Variants in MYBPC1 observed in about 807,000 individuals in gnomAD.
MYBPC1 encodes myosin-binding protein C, slow-type.
In MYBPC1, 52 loss-of-function variants were observed where a neutral mutation model predicts 147.1. The observed-to-expected ratio is 0.35, with a 90% CI of 0.28 to 0.45. The LOEUF is 0.45. Among genes scored for constraint, MYBPC1 ranks in the 20% least tolerant of loss-of-function variants. The pLI is 1.00. For missense variants in MYBPC1, 1,228 were observed against 1,440.3 expected, an observed-to-expected ratio of 0.85 and a Z score of 2.39; for synonymous variants, 477 against 475.9, an observed-to-expected ratio of 1.00 and a Z score of -0.03.
At chr12:101,607,719 A>T (rs931367086) in intron 1 of MYBPC1, among the ~76,000 whole-genome samples, 4 of 152,198 alleles carry the variant, frequency 2.6e-5, no homozygotes, top group Non-Finnish European at 5.9e-5. Flanking sequence ...GGCCCATAAG[A>T]TAGTTAAGTA....
intron 1 of MYBPC1, among the ~76,000 whole-genome samples, chr12:101,611,538 A>G (rs549223828): frequency 6.6e-6 from 1 of 152,196 alleles, no homozygotes; most frequent in Non-Finnish European, 1.5e-5. Context: ...TAGATGTCCA[A>G]CCACCAAAAG....
At chr12:101,677,570 G>A (rs1487957588) in intron 27 of MYBPC1, among the ~76,000 whole-genome samples, 176 bp downstream of exon 27, 2 of 152,154 alleles carry the variant, frequency 1.3e-5, no homozygotes, top group African/African-American at 2.4e-5. Flanking sequence ...AAGTGAAATT[G>A]TATTATTATT....
chr12:101,604,913 T>C (rs1023296456), intron 1 of MYBPC1, among the ~76,000 whole-genome samples: 18 of 152,150 alleles, frequency 1.2e-4, no homozygotes, highest in African/African-American at 3.9e-4. Flanking sequence ...GCACAACATT[T>C]AAGAAGGCAC....
intron 10 of MYBPC1, among the ~76,000 whole-genome samples, chr12:101,640,153 A>G (rs1453284936): frequency 6.6e-6 from 1 of 152,110 alleles, no homozygotes; most frequent in African/African-American, 2.4e-5. Context: ...CTGGGATGAC[A>G]GGCATGCGCC....
rs187589811 is a variant in MYBPC1, at chr12:101,607,288, A to G, written c.26-7208A>G. On this transcript the variant is annotated intron_variant, in intron 1 of 31. Transcript: ENST00000361466. ...TCAGACCCCACCATCAAGAGGGGAG[A>G]CACCTGATAGTGTTTATTACATATT... Among the ~76,000 whole-genome samples the G allele has an allele frequency of 1.4e-4, 22 of 152,246 alleles. No homozygotes were observed. The East Asian group carries it at 4.1e-3, about 28-fold the overall frequency.
intron 22 of MYBPC1, among the ~76,000 whole-genome samples, chr12:101,665,595 A>C (rs959525094): frequency 2.6e-5 from 4 of 151,986 alleles, no homozygotes; most frequent in Non-Finnish European, 5.9e-5. Context: ...ATGTTAAATA[A>C]CTTACATGTT....
intron 6 of MYBPC1, 56 bp from the exon 7 acceptor site, chr12:101,631,515 A>T: frequency 9.4e-6 from 15 of 1,597,574 alleles, no homozygotes; most frequent in Non-Finnish European, 1.3e-5. Flanking sequence ...TCCAGTTGAA[A>T]GCAAAACAAA....
intron 3 of MYBPC1, among the ~76,000 whole-genome samples, chr12:101,618,732 G>T (rs560983853): frequency 6.6e-6 from 1 of 152,072 alleles, no homozygotes; most frequent in South Asian, 2.1e-4. Flanking sequence ...AGAACACAGC[G>T]TGATGAAAGA....
chr12:101,634,127 C>T (rs914528501), intron 8 of MYBPC1, among the ~76,000 whole-genome samples: 1 of 152,098 alleles, frequency 6.6e-6, no homozygotes, highest in African/African-American at 2.4e-5. Context: ...GTCGCGATCT[C>T]CTGATCTCGT....
chr12:101,647,764 G>A (rs547909197), intron 13 of MYBPC1, among the ~76,000 whole-genome samples: 1 of 152,288 alleles, frequency 6.6e-6, no homozygotes, highest in East Asian at 1.9e-4. Flanking sequence ...GCATGCACCT[G>A]TAATCCCAGC....
At chr12:101,631,887 C>CAAATGTGTCCTG in intron 7 of MYBPC1, 134 bp from the exon 8 acceptor site, 1 of 1,284,214 alleles carries the variant, frequency 7.8e-7, no homozygotes, top group Non-Finnish European at 1.1e-6. Flanking sequence ...TGTCCGGGGG[C>CAAATGTGTCCTG]TACAGGACAC....
At chr12:101,599,152 A>G (rs1878761685) in intron 1 of MYBPC1, among the ~76,000 whole-genome samples, 1 of 152,234 alleles carries the variant, frequency 6.6e-6, no homozygotes, top group South Asian at 2.1e-4. Context: ...CTTTATGACC[A>G]TAATTTTAAG....
chr12:101,641,283 C>T (rs1021297064), intron 10 of MYBPC1, among the ~76,000 whole-genome samples: 2 of 152,076 alleles, frequency 1.3e-5, no homozygotes, highest in African/African-American at 4.8e-5. Flanking sequence ...ATCAGCATTA[C>T]GGTAAGCAGT....
chr12:101,669,901 A>G (rs866691171), intron 23 of MYBPC1: 9 of 316,694 alleles, frequency 2.8e-5, no homozygotes, highest in Admixed American at 2.7e-4. Context: ...ACTGCACTCC[A>G]GCCTGGGCGA....
At chr12:101,600,868 A>C (rs1291593106) in intron 1 of MYBPC1, among the ~76,000 whole-genome samples, 1 of 152,236 alleles carries the variant, frequency 6.6e-6, no homozygotes, top group Non-Finnish European at 1.5e-5. Flanking sequence ...AAGTTCTAGC[A>C]ATCAAACATA....
intron 18 of MYBPC1, 57 bp downstream of exon 18, chr12:101,653,305 C>G: frequency 6.3e-7 from 1 of 1,596,676 alleles, no homozygotes; most frequent in Non-Finnish European, 8.5e-7. Flanking sequence ...GACACACTGC[C>G]TACCCCACCC....
intron 31 of MYBPC1, 49 bp downstream of exon 31, chr12:101,684,473 C>CTT: frequency 2.2e-6 from 3 of 1,383,224 alleles, no homozygotes; most frequent in Non-Finnish European, 3.1e-6. Flanking sequence ...CTGTCATAAG[C>CTT]CATACCAAGC....
chr12:101,685,832 G>C lies in MYBPC1; in HGVS notation c.*270G>C, dbSNP rs1049425600. ...AAGAGAAAAAAAAAAAAAAAAGTTT[G>C]CCCAGATTGCTTAATTAAAAATTGC... is the stretch of plus-strand genomic sequence containing the variant. On this transcript the variant is annotated 3_prime_UTR_variant, in exon 32 of 32. Coordinates refer to ENST00000361466, the MANE Select transcript of MYBPC1 (RefSeq NM_002465.4). The C allele has an allele frequency of 7.1e-5, 40 of 566,270 alleles. No individual in the cohort carries two copies. In the African/African-American group the frequency reaches 7.7e-4, roughly 11 times the overall value. 35.1% of individuals were successfully genotyped at this position (566,270 alleles called of 1,614,324 possible).
At chr12:101,693,711 C>G in the MYBPC1 span, among the ~76,000 whole-genome samples, 2 of 152,056 alleles carry the variant, frequency 1.3e-5, no homozygotes, top group African/African-American at 4.8e-5. Flanking sequence ...GCACTCCAGC[C>G]TGGGTGACAG....
Sources: gnomAD v4.1 joint callset for allele counts (sites outside exome capture counted in the v4.1 genomes callset) on GRCh38, gnomAD v4.1.1 for gene constraint, MANE v1.5 for transcripts, NCBI Gene and HGNC (gene_info 2026-07-23, HGNC 2026-07-21) for gene names.